The following ABCC4 variants were observed in gnomAD, a reference collection of about 807,000 sequenced individuals.
ABCC4 encodes the protein ATP binding cassette subfamily C member 4 (PEL blood group), also known as ATP-binding cassette sub-family C member 4.
In ABCC4, 102 loss-of-function variants were observed where a neutral mutation model predicts 168.5. That is an observed-to-expected ratio of 0.61 (90% CI 0.52 to 0.71). The LOEUF (loss-of-function observed/expected upper bound fraction) is 0.71, where lower values mean the gene tolerates loss of function less well. ABCC4 is among the 30% of genes least tolerant of loss of function. ABCC4 has a pLI of 0.00. For missense variants in ABCC4, 1,402 were observed against 1,605.8 expected, an observed-to-expected ratio of 0.87 and a Z score of 2.17; for synonymous variants, 617 against 590.7, an observed-to-expected ratio of 1.04 and a Z score of -0.65.
intron 4 of ABCC4, among the ~76,000 whole-genome samples, chr13:95,219,592 C>T (rs1427600328): frequency 6.6e-6 from 1 of 152,088 alleles, no homozygotes; most frequent in African/African-American, 2.4e-5. Context: ...CTGCAGCTTC[C>T]ACCTCTGGGG....
chr13:95,248,973 G>A (rs1378861769), intron 1 of ABCC4, among the ~76,000 whole-genome samples: 1 of 152,190 alleles, frequency 6.6e-6, no homozygotes, highest in Non-Finnish European at 1.5e-5. Flanking sequence ...CTGGGAGGCA[G>A]AGGTTGCAGT....
chr13:95,207,891 T>C lies in ABCC4; in HGVS notation c.820A>G (p.Arg274Gly). 3 of 1,613,842 alleles carry C rather than the reference T, an allele frequency of 1.9e-6. No individual in the cohort carries two copies. The highest frequency in any genetic ancestry group is 2.5e-6 in the Non-Finnish European group (3 of 1,179,990). Reference sequence around the variant, plus strand: ...CCAGTTATAACTTCATTCATGGTCCTGATCCTGGCATCCGTGAAAGTTGCA... The same window carrying C: ...CCAGTTATAACTTCATTCATGGTCCCGATCCTGGCATCCGTGAAAGTTGCA... ...KTATFTDARI[R>G]TMNEVITGIR... is the part of the protein sequence containing the mutation. The change falls in exon 7 of 31, where the codon AGG becomes GGG. Residue 274 changes from arginine (R) to glycine (G), a missense_variant. By Grantham distance (125) the Arg-to-Gly change is moderately radical. Coordinates refer to ENST00000645237, the MANE Select transcript of ABCC4 (RefSeq NM_005845.5).
At chr13:95,218,913 G>A (rs1261584010) in intron 4 of ABCC4, among the ~76,000 whole-genome samples, 1 of 7,892 alleles carries the variant, frequency 1.3e-4, no homozygotes, top group African/African-American at 8.8e-4. Flanking sequence ...GAAAGAGAGA[G>A]AGAGAGAAAG....
intron 11 of ABCC4, among the ~76,000 whole-genome samples, chr13:95,178,548 G>T (rs1009771338): frequency 6.6e-6 from 1 of 152,234 alleles, no homozygotes; most frequent in African/African-American, 2.4e-5. Flanking sequence ...GATCGAGGGG[G>T]TCTGAGCAGA....
chr13:95,163,233 GA>G lies in ABCC4; in HGVS notation c.2214-18del. On this transcript the variant is annotated intron_variant, in intron 17 of 30. Coordinates refer to ENST00000645237, the MANE Select transcript of ABCC4 (RefSeq NM_005845.5). The stretch of plus-strand genomic sequence containing the variant: ...TTGTTTGCCCTATGGAACATGGGGA[GA>G]AAAAAATATTAAGCTATATATGAAA... 4.0e-6 allele frequency: 6 copies of G among 1,488,186 alleles called. No homozygotes were observed. Among genetic ancestry groups the G allele is most frequent in the Admixed American group, 1.9e-5 (1 of 51,466 alleles). 92.2% of individuals were successfully genotyped at this position (1,488,186 alleles called of 1,614,324 possible). A position where few individuals can be genotyped will look rare whatever the true frequency, so the allele number is the denominator to read the frequency against.
At chr13:95,067,555 A>G (rs1202704719) in intron 25 of ABCC4, among the ~76,000 whole-genome samples, 1 of 152,012 alleles carries the variant, frequency 6.6e-6, no homozygotes, top group Non-Finnish European at 1.5e-5. Context: ...ATTTTAATCA[A>G]AAGGGTGGGG....
intron 19 of ABCC4, among the ~76,000 whole-genome samples, chr13:95,155,956 C>T (rs1594196604): frequency 1.3e-5 from 2 of 152,214 alleles, no homozygotes; most frequent in African/African-American, 4.8e-5. Flanking sequence ...TCTCTGCTAA[C>T]TCTGTTGGCG....
At chr13:95,242,791 A>C (rs1423924969) in intron 3 of ABCC4, among the ~76,000 whole-genome samples, 1 of 152,202 alleles carries the variant, frequency 6.6e-6, no homozygotes, top group Non-Finnish European at 1.5e-5. Context: ...CAACTTCTCC[A>C]AAACAGCCAA....
chr13:95,207,913 T>C lies in ABCC4; in HGVS notation c.798A>G (p.Ala266=). The C allele has an allele frequency of 1.2e-6, 2 of 1,613,874 alleles. No homozygotes were observed. The highest frequency in any genetic ancestry group is 1.7e-6 in the Non-Finnish European group (2 of 1,179,992). The stretch of plus-strand genomic sequence containing the variant: ...TCCTGATCCTGGCATCCGTGAAAGT[T>C]GCAGTTTTACTCCTAAGGGGAACCA... ...KLFSSLRSKT[A]TFTDARIRTM... The change falls in exon 7 of 31, where the codon GCA becomes GCG. Residue 266 remains alanine (A), a synonymous_variant. Coordinates refer to ENST00000645237, the MANE Select transcript of ABCC4 (RefSeq NM_005845.5).
intron 1 of ABCC4, among the ~76,000 whole-genome samples, chr13:95,288,596 A>T (rs1229781412): frequency 6.6e-6 from 1 of 152,202 alleles, no homozygotes; most frequent in Non-Finnish European, 1.5e-5. Context: ...ACCTGAGGTC[A>T]GGAGTTCAAG....
chr13:95,287,037 G>A (rs375670202), intron 1 of ABCC4, among the ~76,000 whole-genome samples: 14 of 151,952 alleles, frequency 9.2e-5, no homozygotes, highest in African/African-American at 1.7e-4. Flanking sequence ...GATGGCTCAC[G>A]CCTGTAACTC....
rs116608353 is a variant in ABCC4 at position 95,203,970 on chromosome 13, A to G, written c.1161+2562T>C. 3.5e-3 allele frequency among the ~76,000 whole-genome samples: 531 copies of G among 152,264 alleles called. 6 individuals carry two copies. The highest frequency in any genetic ancestry group is 0.012 in the African/African-American group (495 of 41,550). On this transcript the variant is annotated intron_variant, in intron 8 of 30. Transcript: ENST00000645237. ...TTTGCTAAGGTTGCTGCTTCTGTCCATCCAGCATTTGGTGCCCATTATGTG... is the reference window on the plus strand; with the variant it reads ...TTTGCTAAGGTTGCTGCTTCTGTCCGTCCAGCATTTGGTGCCCATTATGTG...
At chr13:95,149,150 G>A (rs1039885081) in intron 19 of ABCC4, among the ~76,000 whole-genome samples, 9 of 152,016 alleles carry the variant, frequency 5.9e-5, no homozygotes, top group Admixed American at 3.3e-4. Flanking sequence ...TTATTACCCC[G>A]GCTATTTATG....
chr13:95,180,028 AG>A (rs1555327053), intron 11 of ABCC4, among the ~76,000 whole-genome samples: 1 of 152,168 alleles, frequency 6.6e-6, no homozygotes, highest in Non-Finnish European at 1.5e-5. Context: ...CCCCATTCAT[AG>A]CATGAATCCC....
intron 19 of ABCC4, among the ~76,000 whole-genome samples, chr13:95,123,395 C>T (rs2035643596): frequency 6.6e-6 from 1 of 152,156 alleles, no homozygotes; most frequent in Non-Finnish European, 1.5e-5. Context: ...CGAAGTCTCA[C>T]TCTGTTGCCC....
intron 1 of ABCC4, among the ~76,000 whole-genome samples, chr13:95,300,030 C>T (rs1207347242): frequency 2.0e-5 from 3 of 152,162 alleles, no homozygotes; most frequent in Admixed American, 6.6e-5. Context: ...TTAGTAGAGA[C>T]GGGGTTTCAC....
intron 23 of ABCC4, chr13:95,073,532 C>T (rs1054625401): frequency 1.1e-5 from 4 of 350,386 alleles, no homozygotes; most frequent in African/African-American, 6.3e-5. Flanking sequence ...CCAACAGGAT[C>T]GACATAGATT....
In ABCC4 at chr13:95,113,198, C is replaced by T. The variant is rs193124075; in HGVS notation, c.2535+2724G>A. Reference sequence around the variant, plus strand: ...TGCAAAACAAAACACCTCCCTCCTTCCCCCCTAAAAGATCAACGACTTTAA... The same window carrying T: ...TGCAAAACAAAACACCTCCCTCCTTTCCCCCTAAAAGATCAACGACTTTAA... On this transcript the variant is annotated intron_variant, in intron 20 of 30. Coordinates refer to ENST00000645237, the MANE Select transcript of ABCC4 (RefSeq NM_005845.5). 3.3e-3 allele frequency among the ~76,000 whole-genome samples: 505 copies of T among 152,248 alleles called. 1 individual carries two copies. Among genetic ancestry groups the T allele is most frequent in the Non-Finnish European group, 5.7e-3 (386 of 68,020 alleles).
chr13:95,206,501 C>G (rs771637542), intron 8 of ABCC4, 31 bp downstream of exon 8: 1 of 1,606,002 alleles, frequency 6.2e-7, no homozygotes, highest in Non-Finnish European at 8.5e-7. Flanking sequence ...TCAAATGCAC[C>G]TACAACTTTA....
Sources: gnomAD v4.1 joint callset for allele counts (sites outside exome capture counted in the v4.1 genomes callset) on GRCh38, gnomAD v4.1.1 for gene constraint, MANE v1.5 for transcripts, NCBI Gene and HGNC (gene_info 2026-07-23, HGNC 2026-07-21) for gene names.